The following ECT2 variants were observed in gnomAD, a reference collection of about 807,000 sequenced individuals.
The protein encoded by ECT2 is epithelial cell transforming 2.
Under a neutral mutation model 116.9 loss-of-function variants are expected in ECT2, and 61 were observed. The observed-to-expected ratio is 0.52, with a 90% confidence interval of 0.42 to 0.65. The LOEUF (loss-of-function observed/expected upper bound fraction) is 0.65, where lower values mean the gene tolerates loss of function less well. ECT2 is among the 30% of genes least tolerant of loss of function. The probability of loss-of-function intolerance (pLI) is 0.00; values close to 1 mark genes in which losing one functional copy is unlikely to be tolerated. For synonymous variants in ECT2, 358 were observed against 346.4 expected, an observed-to-expected ratio of 1.03 and a Z score of -0.37; for missense variants, 937 against 1,078.7, an observed-to-expected ratio of 0.87 and a Z score of 1.84.
intron 23 of ECT2, among the ~76,000 whole-genome samples, chr3:172,815,982 A>G (rs1729632114): frequency 6.6e-6 from 1 of 152,122 alleles, no homozygotes; most frequent in Admixed American, 6.6e-5. Flanking sequence ...TTAGATTTAA[A>G]TATGTGTGCA....
chr3:172,757,387 A>G (rs1413268820), intron 5 of ECT2, among the ~76,000 whole-genome samples: 1 of 150,046 alleles, frequency 6.7e-6, no homozygotes, highest in Non-Finnish European at 1.5e-5. Context: ...AACTGTACAT[A>G]TGCATATACA....
Position 172,820,668 on chromosome 3 carries a change from T to C in ECT2, c.*431T>C, listed in dbSNP as rs1730577636. On this transcript the variant is annotated 3_prime_UTR_variant, in exon 25 of 25. Coordinates refer to ENST00000392692, the MANE Select transcript of ECT2 (RefSeq NM_001258315.2). ...ATGCAGAGATTAAATGACATCATAA[T>C]ACTGGATGAAAACTTGCATAGAATT... 1 of 152,318 alleles carries C rather than the reference T, an allele frequency of 6.6e-6. No homozygotes were observed. Among genetic ancestry groups the C allele is most frequent in the South Asian group, 2.1e-4 (1 of 4,834 alleles). The allele number at this position is 152,318 out of a possible 1,614,324, so 9.4% of individuals were successfully genotyped here.
intron 24 of ECT2, chr3:172,818,817 G>A: frequency 1.7e-6 from 2 of 1,177,032 alleles, no homozygotes; most frequent in South Asian, 1.6e-5. Context: ...AGTTTAATGT[G>A]AGCTTATTAG....
At chr3:172,797,240 G>T (rs1187893239) in intron 18 of ECT2, among the ~76,000 whole-genome samples, 1 of 149,818 alleles carries the variant, frequency 6.7e-6, no homozygotes, top group African/African-American at 2.5e-5. Context: ...TTGCCATTTT[G>T]CCCAAGCTGG....
chr3:172,754,568 G>C lies in ECT2; in HGVS notation c.38G>C (p.Arg13Thr). Residue 13 changes from arginine to threonine, a missense_variant, in exon 2 of 25, where the codon AGG becomes ACG. Arg to Thr is a moderately conservative substitution (Grantham distance 71, BLOSUM62 -1). Coordinates refer to ENST00000392692, the MANE Select transcript of ECT2 (RefSeq NM_001258315.2). Reference protein sequence around the residue: ...ENSVLTSTTGRTSLADSSIFD... With the variant: ...ENSVLTSTTGTTSLADSSIFD... ...AGTGTATTAACATCCACTACTGGGA[G>C]GACTAGCTTGGCAGACTCTTCCATT... 6.2e-7 allele frequency: 1 copy of C among 1,611,272 alleles called. No homozygotes were observed.
At chr3:172,785,344 A>G (rs191907930) in intron 17 of ECT2, among the ~76,000 whole-genome samples, 4 of 152,228 alleles carry the variant, frequency 2.6e-5, no homozygotes, top group Admixed American at 6.5e-5. Flanking sequence ...ATGTGTATGT[A>G]TATTTTGTTA....
chr3:172,803,222 TC>T (rs1469977022), intron 20 of ECT2, among the ~76,000 whole-genome samples: 2 of 152,206 alleles, frequency 1.3e-5, no homozygotes, highest in Non-Finnish European at 2.9e-5. Context: ...AAAATTTATT[TC>T]CATGCAAATA....
chr3:172,757,723 A>G (rs1304539732), intron 5 of ECT2, among the ~76,000 whole-genome samples: 3 of 151,962 alleles, frequency 2.0e-5, no homozygotes, highest in Admixed American at 6.6e-5. Flanking sequence ...CGTATACACT[A>G]TCAATACCAC....
At chr3:172,791,117 G>T (rs971134357) in intron 18 of ECT2, among the ~76,000 whole-genome samples, 8 of 152,210 alleles carry the variant, frequency 5.3e-5, no homozygotes, top group African/African-American at 1.7e-4. Flanking sequence ...TTGCACCACT[G>T]TACTCCAGCC....
intron 2 of ECT2, among the ~76,000 whole-genome samples, 170 bp from the exon 3 acceptor site, chr3:172,755,125 T>C (rs946495596): frequency 2.6e-5 from 4 of 151,418 alleles, no homozygotes; most frequent in Admixed American, 1.3e-4. Context: ...AAGTGATATA[T>C]AGCCAGATAT....
chr3:172,816,859 G>T, intron 24 of ECT2, 22 bp downstream of exon 24: 1 of 1,512,250 alleles, frequency 6.6e-7, no homozygotes, highest in Non-Finnish European at 9.0e-7. Flanking sequence ...TGATTTAATG[G>T]GGTAAATGAC....
chr3:172,797,931 T>C (rs1409675454), intron 18 of ECT2, among the ~76,000 whole-genome samples: 2 of 152,226 alleles, frequency 1.3e-5, no homozygotes, highest in Non-Finnish European at 2.9e-5. Context: ...TAAATGACTA[T>C]TATTTCACAA....
At chr3:172,794,711 G>A (rs1383034595) in intron 18 of ECT2, among the ~76,000 whole-genome samples, 1 of 152,020 alleles carries the variant, frequency 6.6e-6, no homozygotes, top group African/African-American at 2.4e-5. Flanking sequence ...TATTATCTTA[G>A]CAATATTATT....
At position 172,816,772 on chromosome 3, in the gene ECT2, G is replaced by C. The variant is rs1164598126; in HGVS notation, c.2590G>C (p.Gly864Arg). The C allele has an allele frequency of 6.2e-7, 1 of 1,611,074 alleles. No homozygotes were observed. Among genetic ancestry groups the C allele is most frequent in the South Asian group, 1.1e-5 (1 of 90,674 alleles). The change falls in exon 24 of 25, where the codon GGA (glycine) becomes CGA (arginine). Residue 864 changes from glycine (G) to arginine (R), a missense_variant. Coordinates refer to ENST00000392692, the MANE Select transcript of ECT2 (RefSeq NM_001258315.2). ...ALMTSHGSVEGRSPSSNDKHV... is the reference protein window; with the variant it reads ...ALMTSHGSVERRSPSSNDKHV... The stretch of plus-strand genomic sequence containing the variant: ...TATGACATCCCACGGCTCAGTGGAG[G>C]GAAGAAGTCCTTCCAGCAATGATAA...
At chr3:172,781,493 A>C (rs1484140606) in intron 14 of ECT2, among the ~76,000 whole-genome samples, 1 of 152,182 alleles carries the variant, frequency 6.6e-6, no homozygotes, top group East Asian at 1.9e-4. Context: ...TTGTTGATTG[A>C]TGTCTACTTT....
Position 172,816,778 on chromosome 3 carries a change from A to T in ECT2, c.2596A>T (p.Ser866Cys), listed in dbSNP as rs1007022602. Residue 866 changes from serine to cysteine, a missense_variant, in exon 24 of 25, where the codon AGT becomes TGT. By Grantham distance (112) the Ser-to-Cys change is moderately radical. Coordinates refer to ENST00000392692, the MANE Select transcript of ECT2 (RefSeq NM_001258315.2). ...ATCCCACGGCTCAGTGGAGGGAAGAAGTCCTTCCAGCAATGATAAGCATGT... is the reference window on the plus strand; with the variant it reads ...ATCCCACGGCTCAGTGGAGGGAAGATGTCCTTCCAGCAATGATAAGCATGT... Reference protein sequence around the residue: ...MTSHGSVEGRSPSSNDKHVMS... With the variant: ...MTSHGSVEGRCPSSNDKHVMS... 7 of 1,610,996 alleles carry T rather than the reference A, an allele frequency of 4.3e-6. No individual in the cohort carries two copies. The Admixed American group carries it at 1.0e-4, about 23-fold the overall frequency.
At chr3:172,765,145 G>A (rs965690030) in intron 12 of ECT2, among the ~76,000 whole-genome samples, 8 of 152,134 alleles carry the variant, frequency 5.3e-5, no homozygotes, top group Admixed American at 1.3e-4. Flanking sequence ...CTTGATTCTC[G>A]TTGTCCTTTC....
At chr3:172,810,870 T>C (rs545711061) in intron 22 of ECT2, among the ~76,000 whole-genome samples, 2 of 152,292 alleles carry the variant, frequency 1.3e-5, no homozygotes, top group African/African-American at 4.8e-5. Flanking sequence ...TGGGAAAGAT[T>C]GACTACTACT....
chr3:172,803,669 TAA>T (rs1293936855), intron 20 of ECT2, among the ~76,000 whole-genome samples: 1 of 152,206 alleles, frequency 6.6e-6, no homozygotes, highest in Admixed American at 6.5e-5. Flanking sequence ...AAACAGACAT[TAA>T]TAAGATGACT....
Sources: gnomAD v4.1 joint callset for allele counts (sites outside exome capture counted in the v4.1 genomes callset) on GRCh38, gnomAD v4.1.1 for gene constraint, MANE v1.5 for transcripts, NCBI Gene and HGNC (gene_info 2026-07-23, HGNC 2026-07-21) for gene names.